PTPRD: variants seen among roughly 807,000 people sequenced by gnomAD.
PTPRD encodes the protein protein tyrosine phosphatase receptor type D.
In PTPRD, 34 loss-of-function variants were observed where a neutral mutation model predicts 214.5. The ratio of observed to expected loss-of-function variants is 0.16; its 90% CI spans 0.12 to 0.21. The LOEUF (loss-of-function observed/expected upper bound fraction) is 0.21. Ranked by LOEUF, PTPRD falls within the 10% of genes least tolerant of loss-of-function variation. The probability of loss-of-function intolerance (pLI) is 1.00; values close to 1 mark genes in which losing one functional copy is unlikely to be tolerated. For missense variants in PTPRD, 2,545 were observed against 2,398.7 expected (o/e 1.06, Z -1.27); for synonymous variants, 1,128 against 845.7 (o/e 1.33, Z -5.79).
At chr9:9,922,483 C>G (rs975121505) in intron 5 of PTPRD, among the ~76,000 whole-genome samples, 14 of 151,870 alleles carry the variant, frequency 9.2e-5, no homozygotes, top group African/African-American at 3.4e-4. Flanking sequence ...AATGAAGAGC[C>G]ACAGATCATC....
intron 2 of PTPRD, among the ~76,000 whole-genome samples, chr9:10,565,319 C>T (rs767177181): frequency 9.3e-4 from 142 of 151,932 alleles, no homozygotes; most frequent in Non-Finnish European, 1.7e-3. Flanking sequence ...CATTTTAATG[C>T]TCTTTTTCTA....
intron 7 of PTPRD, among the ~76,000 whole-genome samples, chr9:9,700,281 T>A (rs1445154760): frequency 6.6e-6 from 1 of 152,150 alleles, no homozygotes; most frequent in African/African-American, 2.4e-5. Flanking sequence ...AAATCATTAC[T>A]TGAAATCTGT....
intron 10 of PTPRD, among the ~76,000 whole-genome samples, chr9:9,043,924 TAAAATAAAATAAAATAA>T (rs2099657281): frequency 1.1e-5 from 1 of 87,602 alleles, no homozygotes; most frequent in Non-Finnish European, 2.5e-5. Flanking sequence ...TAAAATAAAA[TAAAATAAAATAAAATAA>T]AATAAAATAA....
chr9:9,923,887 A>G (rs1602314222), intron 5 of PTPRD, among the ~76,000 whole-genome samples: 2 of 151,970 alleles, frequency 1.3e-5, no homozygotes, highest in South Asian at 4.1e-4. Flanking sequence ...ACAGAGAAAA[A>G]CAAAGACAGG....
chr9:9,759,432 A>C (rs145068143), intron 6 of PTPRD, among the ~76,000 whole-genome samples: 157 of 152,186 alleles, frequency 1.0e-3, no homozygotes, highest in African/African-American at 3.6e-3. Flanking sequence ...TCCCTGCTCT[A>C]CTGAGTGGAG....
At chr9:9,150,414 T>C (rs2099875681) in intron 10 of PTPRD, among the ~76,000 whole-genome samples, 1 of 148,010 alleles carries the variant, frequency 6.8e-6, no homozygotes, top group Non-Finnish European at 1.5e-5. Context: ...AAACTATATA[T>C]AAAAATACAT....
intron 5 of PTPRD, among the ~76,000 whole-genome samples, chr9:9,823,307 T>C (rs1156231060): frequency 1.3e-5 from 2 of 151,808 alleles, no homozygotes; most frequent in African/African-American, 4.8e-5. Flanking sequence ...GCACATCACA[T>C]GGTGAAAATA....
chr9:9,056,223 A>C (rs534480326), intron 10 of PTPRD, among the ~76,000 whole-genome samples: 1 of 152,326 alleles, frequency 6.6e-6, no homozygotes, highest in East Asian at 1.9e-4. Flanking sequence ...CTTTACAAGG[A>C]ATAATGCGTA....
At chr9:10,357,847 G>GAGGT (rs2097306331) in intron 2 of PTPRD, among the ~76,000 whole-genome samples, 1 of 152,156 alleles carries the variant, frequency 6.6e-6, no homozygotes, top group Non-Finnish European at 1.5e-5. Context: ...CAAAACCCAT[G>GAGGT]AGGTCACTGG....
At chr9:8,330,069 G>C (rs187858632) in intron 44 of PTPRD, among the ~76,000 whole-genome samples, 58 of 152,200 alleles carry the variant, frequency 3.8e-4, no homozygotes, top group African/African-American at 1.4e-3. Flanking sequence ...GCAGTATCTG[G>C]GCCAGAGTGT....
At chr9:10,448,785 A>G (rs1366407958) in intron 2 of PTPRD, among the ~76,000 whole-genome samples, 1 of 151,976 alleles carries the variant, frequency 6.6e-6, no homozygotes, top group Non-Finnish European at 1.5e-5. Context: ...TGTCCAACGC[A>G]TCAAATCACA....
intron 5 of PTPRD, among the ~76,000 whole-genome samples, chr9:9,830,794 C>A (rs1413641111): frequency 6.6e-6 from 1 of 151,914 alleles, no homozygotes; most frequent in Non-Finnish European, 1.5e-5. Flanking sequence ...AGGTCCTTAG[C>A]TGTGACCCCA....
At chr9:9,561,936 G>C (rs2083074238) in intron 8 of PTPRD, among the ~76,000 whole-genome samples, 1 of 151,910 alleles carries the variant, frequency 6.6e-6, no homozygotes, top group Non-Finnish European at 1.5e-5. Flanking sequence ...TCATTTTATG[G>C]CTTTAAATGT....
intron 7 of PTPRD, among the ~76,000 whole-genome samples, chr9:9,675,647 T>G (rs2096914723): frequency 6.6e-6 from 1 of 151,846 alleles, no homozygotes; most frequent in African/African-American, 2.4e-5. Flanking sequence ...AATAAAGTAA[T>G]AAAATTCTAT....
At chr9:8,833,863 G>C (rs2097353927) in intron 11 of PTPRD, among the ~76,000 whole-genome samples, 1 of 151,016 alleles carries the variant, frequency 6.6e-6, no homozygotes, top group Admixed American at 6.6e-5. Context: ...AAAGAAAAAT[G>C]ACAGCTATAT....
intron 7 of PTPRD, among the ~76,000 whole-genome samples, chr9:9,721,458 T>G (rs1216026362): frequency 6.6e-6 from 1 of 152,152 alleles, no homozygotes. Context: ...AGTATGTGCC[T>G]CTATTCTATA....
At chr9:9,939,468 T>C (rs543780821) in intron 4 of PTPRD, among the ~76,000 whole-genome samples, 18 of 152,182 alleles carry the variant, frequency 1.2e-4, no homozygotes, top group African/African-American at 2.4e-4. Flanking sequence ...ACTGAATTCA[T>C]GATGAAGATC....
chr9:8,584,234 T>G (rs563253086), intron 14 of PTPRD, among the ~76,000 whole-genome samples: 1 of 152,098 alleles, frequency 6.6e-6, no homozygotes, highest in South Asian at 2.1e-4. Context: ...GCAAATATAT[T>G]TTCCATACCC....
chr9:10,222,936 C>T (rs2099576098), intron 3 of PTPRD, among the ~76,000 whole-genome samples: 1 of 151,920 alleles, frequency 6.6e-6, no homozygotes, highest in Admixed American at 6.6e-5. Flanking sequence ...TGGTGGAGGG[C>T]AGTGGTAGTG....
Sources: allele counts gnomAD v4.1 joint callset (sites outside exome capture counted in the v4.1 genomes callset), GRCh38; gene constraint gnomAD v4.1.1; transcripts MANE v1.5; gene names NCBI Gene and HGNC (gene_info 2026-07-23, HGNC 2026-07-21).